PDXK: variants seen among roughly 807,000 people sequenced by gnomAD.
PDXK encodes epididymis secretory sperm binding protein Li 1a.
A neutral mutation model predicts 43.2 loss-of-function variants in PDXK; 15 were observed. The ratio of observed to expected loss-of-function variants is 0.35; its 90% confidence interval spans 0.23 to 0.53. The LOEUF (loss-of-function observed/expected upper bound fraction) is 0.53, where lower values mean the gene tolerates loss of function less well. Among genes scored for constraint, PDXK ranks in the 20% least tolerant of loss-of-function variants. The probability of loss-of-function intolerance (pLI) is 0.92; values close to 1 mark genes in which losing one functional copy is unlikely to be tolerated. For synonymous variants in PDXK, 172 were observed against 165.4 expected (o/e 1.04, Z -0.31); for missense variants, 343 against 417.0 (o/e 0.82, Z 1.54).
intron 7 of PDXK, among the ~76,000 whole-genome samples, chr21:43,750,943 T>A (rs1239773409): frequency 7.2e-6 from 1 of 138,250 alleles, no homozygotes. Context: ...TGTGTGCACG[T>A]GTTTGCACAT....
intron 1 of PDXK, among the ~76,000 whole-genome samples, chr21:43,725,272 G>A (rs1222386035): frequency 7.2e-5 from 11 of 152,128 alleles, no homozygotes; most frequent in Admixed American, 2.0e-4. Context: ...GCAGTGAGCC[G>A]AGATCGCGCC....
rs182257708 is a variant in PDXK at position 43,760,938 on chromosome 21, A to G, written c.*4875A>G. 10 of 152,360 alleles carry G rather than the reference A, an allele frequency of 6.6e-5. No homozygotes were observed. The East Asian group carries it at 1.7e-3, about 26-fold the overall frequency. The allele number at this position is 152,360 out of a possible 1,614,324, so 9.4% of individuals were successfully genotyped here. The stretch of plus-strand genomic sequence containing the variant: ...CAGTGCACAAAGACACTGGTTTTCA[A>G]TCGGCGTCTAAAACCACGTTCCTGC... On this transcript the variant is annotated 3_prime_UTR_variant, in exon 11 of 11. Coordinates refer to ENST00000291565, the MANE Select transcript of PDXK (RefSeq NM_003681.5).
chr21:43,734,236 G>A lies in PDXK; in HGVS notation c.142+113G>A, dbSNP rs1056041683. 13 of 971,382 alleles carry A rather than the reference G, an allele frequency of 1.3e-5. No homozygotes were observed. Among genetic ancestry groups the A allele is most frequent in the South Asian group, 5.3e-5 (4 of 76,056 alleles). The allele number at this position is 971,382 out of a possible 1,614,324, so 60.2% of individuals were successfully genotyped here. Reference sequence around the variant, plus strand: ...TGTGGGTGTGAGGGACGGGGCTTTCGTGTGGACGGGGACCTGGAGTCCTGG... The same window carrying A: ...TGTGGGTGTGAGGGACGGGGCTTTCATGTGGACGGGGACCTGGAGTCCTGG... On this transcript the variant is annotated intron_variant, in intron 2 of 10. Coordinates refer to ENST00000291565, the MANE Select transcript of PDXK (RefSeq NM_003681.5). This position sits in a 1 kb window ranked among gnomAD's most constrained non-coding sequence, Gnocchi z 5.0.
intron 1 of PDXK, among the ~76,000 whole-genome samples, chr21:43,725,033 C>T (rs1221390173): frequency 6.6e-6 from 1 of 151,982 alleles, no homozygotes; most frequent in Non-Finnish European, 1.5e-5. Flanking sequence ...GGTTAAAACA[C>T]CTGGTGTTGG....
rs537224589 is a variant in PDXK at position 43,730,546 on chromosome 21, G to A, written c.88-3523G>A. ...TGTGCAGCAGCCTCTGTCATGTAGC[G>A]TTCTTCCCTCCAGACACAATAGACA... On this transcript the variant is annotated intron_variant, in intron 1 of 10. Coordinates refer to ENST00000291565, the MANE Select transcript of PDXK (RefSeq NM_003681.5). 4.6e-5 allele frequency among the ~76,000 whole-genome samples: 7 copies of A among 152,310 alleles called. No individual in the cohort carries two copies. The East Asian group carries it at 5.8e-4, about 13-fold the overall frequency.
chr21:43,736,326 CAG>C (rs2083401066), intron 2 of PDXK, among the ~76,000 whole-genome samples: 3 of 152,308 alleles, frequency 2.0e-5, no homozygotes, highest in South Asian at 2.1e-4. Context: ...CGGGCTGTCT[CAG>C]GGGCCACGTT....
intron 1 of PDXK, 68 bp downstream of exon 1, chr21:43,719,449 C>T (rs979479667): frequency 1.9e-5 from 27 of 1,435,666 alleles, no homozygotes; most frequent in Non-Finnish European, 9.3e-7. Context: ...CTGCCCGAGA[C>T]GAGCCTCAGT....
chr21:43,725,297 C>T lies in PDXK; in HGVS notation c.87+5916C>T, dbSNP rs190834428. Reference sequence around the variant, plus strand: ...GAGATCGCGCCACTGCACTCCAGCACGGGCGACAGAGCAAGACTCTCGTCT... The same window carrying T: ...GAGATCGCGCCACTGCACTCCAGCATGGGCGACAGAGCAAGACTCTCGTCT... On this transcript the variant is annotated intron_variant, in intron 1 of 10. Coordinates refer to ENST00000291565, the MANE Select transcript of PDXK (RefSeq NM_003681.5). 2.5e-3 allele frequency among the ~76,000 whole-genome samples: 383 copies of T among 151,954 alleles called. 3 individuals are homozygous for T. The highest frequency in any genetic ancestry group is 8.5e-3 in the African/African-American group (353 of 41,446).
rs1433367393 is a variant in PDXK at position 43,737,697 on chromosome 21, G to C, written c.142+3574G>C. ...CAGGAGCCTGCCGACGGACACCAGC[G>C]AGGGGCCAGGCCGGGCCAGGAGCCT... On this transcript the variant is annotated intron_variant, in intron 2 of 10. Transcript: ENST00000291565. This position sits in a 1 kb window ranked among gnomAD's most constrained non-coding sequence, Gnocchi z 4.8. The C allele has an allele frequency of 1.4e-6, 1 of 729,096 alleles. No individual in the cohort carries two copies. The highest frequency in any genetic ancestry group is 1.9e-5 in the African/African-American group (1 of 53,418). The allele number at this position is 729,096 out of a possible 1,614,324, so 45.2% of individuals were successfully genotyped here.
At position 43,751,945 on chromosome 21, in the gene PDXK, GA is replaced by G. The variant is rs915937134; in HGVS notation, c.511-572del. On this transcript the variant is annotated intron_variant, in intron 7 of 10. Transcript: ENST00000291565. Reference sequence around the variant, plus strand: ...CCTGAATTTTGTCTTCACAACCCAGGAGCCTGGTCCTGAGAATGGGCCACTG... The same window carrying G: ...CCTGAATTTTGTCTTCACAACCCAGGGCCTGGTCCTGAGAATGGGCCACTG... Among the ~76,000 whole-genome samples the G allele has an allele frequency of 4.6e-5, 7 of 152,312 alleles. No homozygotes were observed. In the South Asian group the frequency reaches 1.5e-3, roughly 32 times the overall value.
chr21:43,743,216 G>A (rs944596112), intron 3 of PDXK, among the ~76,000 whole-genome samples: 2 of 13,434 alleles, frequency 1.5e-4, no homozygotes, highest in African/African-American at 5.9e-4. Context: ...CCCTCCCCCC[G>A]CCCCCAGCAC....
In PDXK at chr21:43,734,121, CAGGTA is replaced by C; in HGVS notation, c.142+2_142+6del. The C allele has an allele frequency of 6.2e-7, 1 of 1,613,912 alleles. No homozygotes were observed. ...AACTCTGTCCAGTTTTCAAACCACA[CAGGTA>C]AGGCGTTGGCTCCAGCAGCTGGCAT... On this transcript the variant is annotated splice_donor_variant and splice_donor_region_variant and coding_sequence_variant and intron_variant, in exon 2 of 11. Transcript: ENST00000291565. LOFTEE classifies it high-confidence loss of function. This position sits in a 1 kb window ranked among gnomAD's most constrained non-coding sequence, Gnocchi z 5.0.
intron 1 of PDXK, among the ~76,000 whole-genome samples, chr21:43,731,409 C>T (rs971802490): frequency 6.6e-6 from 1 of 152,210 alleles, no homozygotes; most frequent in Non-Finnish European, 1.5e-5. Context: ...CAGGGGGTTG[C>T]CCGAGGGTGA....
intron 5 of PDXK, among the ~76,000 whole-genome samples, chr21:43,746,378 A>G (rs2083639344): frequency 6.6e-6 from 1 of 152,224 alleles, no homozygotes; most frequent in South Asian, 2.1e-4. Context: ...GCACAGAAGC[A>G]GCCACAGATA....
At chr21:43,739,034 T>C (rs971132008) in intron 2 of PDXK, among the ~76,000 whole-genome samples, 10 of 151,578 alleles carry the variant, frequency 6.6e-5, no homozygotes, top group East Asian at 1.9e-4. Context: ...CCTGGGTTCA[T>C]GCCATTCTCC....
At chr21:43,753,750 C>T (rs1204691422) in intron 9 of PDXK, 31 bp downstream of exon 9, 34 of 1,588,038 alleles carry the variant, frequency 2.1e-5, no homozygotes, top group Non-Finnish European at 2.7e-5. Context: ...CCCTCCTCGC[C>T]CACTCCCACG....
At chr21:43,750,803 C>T (rs562251668) in intron 7 of PDXK, among the ~76,000 whole-genome samples, 72 of 142,552 alleles carry the variant, frequency 5.1e-4, no homozygotes, top group East Asian at 2.3e-3. Flanking sequence ...TGGATGTGTG[C>T]GTGTGTGCGC....
In PDXK at chr21:43,737,622, G is replaced by A. The variant is rs2083426947; in HGVS notation, c.142+3499G>A. On this transcript the variant is annotated intron_variant, in intron 2 of 10. Transcript: ENST00000291565. This position sits in a 1 kb window ranked among gnomAD's most constrained non-coding sequence, Gnocchi z 4.8. ...CTTGGTGGTCCCTGCTGCAGGGAAG[G>A]GGCAGCTGGTGTGAACACAAGGAGC... 6 of 988,072 alleles carry A rather than the reference G, an allele frequency of 6.1e-6. No homozygotes were observed. The South Asian group carries it at 1.9e-4, about 30-fold the overall frequency. 61.2% of individuals were successfully genotyped at this position (988,072 alleles called of 1,614,324 possible).
chr21:43,752,477 A>AT, intron 7 of PDXK, 41 bp from the exon 8 acceptor site: 1 of 1,368,848 alleles, frequency 7.3e-7, no homozygotes, highest in Non-Finnish European at 1.0e-6. Context: ...CGTGGCTGAC[A>AT]TGTGACCGGC....
Sources: gnomAD v4.1 joint callset for allele counts (sites outside exome capture counted in the v4.1 genomes callset) on GRCh38, gnomAD v4.1.1 for gene constraint, Gnocchi (gnomAD v3.1) non-coding constraint, MANE v1.5 for transcripts, NCBI Gene and HGNC (gene_info 2026-07-23, HGNC 2026-07-21) for gene names.